Variants in CCM2 observed in about 807,000 individuals in gnomAD.
CCM2 encodes CCM2 scaffold protein.
A neutral mutation model predicts 44.9 loss-of-function variants in CCM2; 25 were observed. That is an observed-to-expected ratio of 0.56 (90% CI 0.41 to 0.78). The LOEUF is 0.78. Among genes scored for constraint, CCM2 ranks in the 30% least tolerant of loss-of-function variants. The probability of loss-of-function intolerance (pLI) is 0.00; values close to 1 mark genes in which losing one functional copy is unlikely to be tolerated. For missense variants in CCM2, 481 were observed against 580.6 expected, an observed-to-expected ratio of 0.83 and a Z score of 1.76; for synonymous variants, 219 against 241.1, an observed-to-expected ratio of 0.91 and a Z score of 0.85.
chr7:45,005,010 A>G (rs1030654243), intron 1 of CCM2, among the ~76,000 whole-genome samples: 4 of 142,460 alleles, frequency 2.8e-5, no homozygotes, highest in Admixed American at 6.9e-5. Flanking sequence ...AAAAAAAAAA[A>G]GGCTCATGGT....
At chr7:45,009,388 C>T (rs963250442) in intron 1 of CCM2, among the ~76,000 whole-genome samples, 50 of 143,790 alleles carry the variant, frequency 3.5e-4, no homozygotes, top group Admixed American at 5.1e-4. Context: ...CTGCCACTAA[C>T]GTTGGCTATA....
intron 1 of CCM2, among the ~76,000 whole-genome samples, chr7:45,019,059 C>CTTTTT (rs34045609): frequency 7.5e-5 from 7 of 93,306 alleles, no homozygotes; most frequent in Non-Finnish European, 1.2e-4. Context: ...TGCGCCTGGC[C>CTTTTT]TTTTTTTTTT....
intron 1 of CCM2, among the ~76,000 whole-genome samples, chr7:45,028,037 A>G (rs1796771066): frequency 6.6e-6 from 1 of 152,148 alleles, no homozygotes; most frequent in Admixed American, 6.5e-5. Flanking sequence ...GGTGGGGAGT[A>G]TAGGTTGTTG....
chr7:45,047,396 G>C (rs1335848564), intron 2 of CCM2, among the ~76,000 whole-genome samples: 1 of 152,216 alleles, frequency 6.6e-6, no homozygotes, highest in East Asian at 1.9e-4. Context: ...AAAGGGCTGG[G>C]CATGGTGGCA....
chr7:45,004,980 G>A (rs1460013488), intron 1 of CCM2, among the ~76,000 whole-genome samples: 2 of 134,364 alleles, frequency 1.5e-5, no homozygotes, highest in East Asian at 4.3e-4. Context: ...TGGGCGACAA[G>A]AGTAAGACTC....
intron 1 of CCM2, among the ~76,000 whole-genome samples, chr7:45,015,891 C>T (rs1349044689): frequency 6.6e-6 from 1 of 152,164 alleles, no homozygotes; most frequent in Admixed American, 6.5e-5. Context: ...CTGATGCTGC[C>T]CCCACCTCCC....
At chr7:45,056,138 A>G (rs566296378) in intron 2 of CCM2, among the ~76,000 whole-genome samples, 4 of 151,952 alleles carry the variant, frequency 2.6e-5, no homozygotes, top group East Asian at 3.9e-4. Context: ...TCATGCTGCT[A>G]TGAACATGGG....
At chr7:45,038,063 G>A (rs1488160466) in intron 1 of CCM2, among the ~76,000 whole-genome samples, 190 bp from the exon 2 acceptor site, 2 of 152,146 alleles carry the variant, frequency 1.3e-5, no homozygotes, top group African/African-American at 4.8e-5. Flanking sequence ...CCACCGTGCC[G>A]GCCTGCGTGC....
chr7:45,073,119 G>C (rs1799162500), intron 7 of CCM2: 2 of 579,166 alleles, frequency 3.5e-6, no homozygotes, highest in Non-Finnish European at 6.2e-6. Context: ...CACCACCTGG[G>C]GCTCTGTAGT....
chr7:45,028,180 A>G (rs1229970931), intron 1 of CCM2, among the ~76,000 whole-genome samples: 1 of 152,230 alleles, frequency 6.6e-6, no homozygotes, highest in Non-Finnish European at 1.5e-5. Flanking sequence ...ATGGCCAAGC[A>G]AGAGAGCACC....
At chr7:45,015,716 G>A (rs1308549319) in intron 1 of CCM2, among the ~76,000 whole-genome samples, 1 of 152,164 alleles carries the variant, frequency 6.6e-6, no homozygotes, top group Non-Finnish European at 1.5e-5. Context: ...AGGACGTCCT[G>A]GTTCCTTAAG....
At chr7:45,013,420 G>A (rs1796141865) in intron 1 of CCM2, among the ~76,000 whole-genome samples, 1 of 151,484 alleles carries the variant, frequency 6.6e-6, no homozygotes, top group Non-Finnish European at 1.5e-5. Flanking sequence ...AGTACACAGA[G>A]CCCTCATACG....
chr7:45,069,286 G>T (rs927935411), intron 5 of CCM2, among the ~76,000 whole-genome samples: 2 of 152,242 alleles, frequency 1.3e-5, no homozygotes. Context: ...GCACTGTAGG[G>T]TGTTGAGCAG....
At chr7:45,022,461 C>T (rs955961260) in intron 1 of CCM2, among the ~76,000 whole-genome samples, 3 of 151,486 alleles carry the variant, frequency 2.0e-5, no homozygotes, top group African/African-American at 4.9e-5. Context: ...CGCCCACCAC[C>T]GTGCCCGGCT....
chr7:45,076,106 G>A lies in CCM2; in HGVS notation c.*49G>A, dbSNP rs1784242507. On this transcript the variant is annotated 3_prime_UTR_variant, in exon 10 of 10. Transcript: ENST00000258781. ...CACACCTTCCGCGCAGTCGTCATAG[G>A]CCTTCCCAGAAGGAGCTGCCCAGAC... The A allele has an allele frequency of 6.2e-7, 1 of 1,609,706 alleles. No individual in the cohort carries two copies.
chr7:45,017,962 GT>G (rs1254303885), intron 1 of CCM2, among the ~76,000 whole-genome samples: 1 of 152,200 alleles, frequency 6.6e-6, no homozygotes, highest in Admixed American at 6.5e-5. Context: ...TTGAAGGATA[GT>G]TTTACAGCAG....
At chr7:45,005,914 T>C (rs1363812355) in intron 1 of CCM2, among the ~76,000 whole-genome samples, 2 of 152,114 alleles carry the variant, frequency 1.3e-5, no homozygotes, top group Non-Finnish European at 2.9e-5. Context: ...GGCTGGGAAG[T>C]TGGGTGTTGG....
intron 1 of CCM2, among the ~76,000 whole-genome samples, chr7:45,012,646 C>G (rs1796112776): frequency 6.6e-6 from 1 of 152,056 alleles, no homozygotes. Context: ...GCCTTGAACT[C>G]CTGGGCTCAA....
chr7:45,073,446 A>G lies in CCM2; in HGVS notation c.804-14A>G. 1 of 1,604,676 alleles carries G rather than the reference A, an allele frequency of 6.2e-7. No homozygotes were observed. Among genetic ancestry groups the G allele is most frequent in the Non-Finnish European group, 8.5e-7 (1 of 1,171,948 alleles). ...CGGGGAAGCCACCCGCTCACATACC[A>G]CATTCTTTCGCAGCTGCTTCCCTGA... On this transcript the variant is annotated splice_polypyrimidine_tract_variant and intron_variant, in intron 7 of 9. Transcript: ENST00000258781.
Sources: gnomAD v4.1 joint callset for allele counts (sites outside exome capture counted in the v4.1 genomes callset) on GRCh38, gnomAD v4.1.1 for gene constraint, MANE v1.5 for transcripts, NCBI Gene and HGNC (gene_info 2026-07-23, HGNC 2026-07-21) for gene names.